ST6GALNAC5: variants seen among roughly 807,000 people sequenced by gnomAD.
The protein encoded by ST6GALNAC5 is ST6 N-acetylgalactosaminide alpha-2,6-sialyltransferase 5.
Under a neutral mutation model 33.6 loss-of-function variants are expected in ST6GALNAC5, and 27 were observed. The ratio of observed to expected loss-of-function variants is 0.80; its 90% CI spans 0.59 to 1.11. ST6GALNAC5 has a LOEUF of 1.11. ST6GALNAC5 is among the 50% of genes least tolerant of loss of function. The pLI, the probability that ST6GALNAC5 is intolerant of heterozygous loss-of-function variation, is 0.00. For missense variants in ST6GALNAC5, 428 were observed against 454.0 expected (o/e 0.94, Z 0.52); for synonymous variants, 194 against 171.2 (o/e 1.13, Z -1.04).
chr1:77,028,498 G>C (rs1651333189), intron 2 of ST6GALNAC5, among the ~76,000 whole-genome samples: 1 of 152,212 alleles, frequency 6.6e-6, no homozygotes, highest in African/African-American at 2.4e-5. Flanking sequence ...TGCAGCTTCA[G>C]AAATTCATAT....
chr1:76,889,864 G>A (rs963412639), intron 2 of ST6GALNAC5, among the ~76,000 whole-genome samples: 1 of 151,542 alleles, frequency 6.6e-6, no homozygotes, highest in South Asian at 2.1e-4. Context: ...AATCATCCTG[G>A]TCTTTGTCAT....
At chr1:76,880,262 A>G (rs1653747229) in intron 2 of ST6GALNAC5, among the ~76,000 whole-genome samples, 2 of 152,188 alleles carry the variant, frequency 1.3e-5, no homozygotes, top group Admixed American at 1.3e-4. Context: ...AGTTTATGCC[A>G]AGGACTATCA....
intron 2 of ST6GALNAC5, among the ~76,000 whole-genome samples, chr1:77,021,907 G>A (rs1307885458): frequency 6.6e-6 from 1 of 152,160 alleles, no homozygotes; most frequent in African/African-American, 2.4e-5. Flanking sequence ...GGCTTAAGGG[G>A]AAATTTGAGA....
intron 2 of ST6GALNAC5, among the ~76,000 whole-genome samples, chr1:76,996,875 A>T (rs534633509): frequency 1.3e-5 from 2 of 152,356 alleles, no homozygotes; most frequent in South Asian, 4.1e-4. Context: ...CAAGCAGGTG[A>T]GATCCTCAGA....
At chr1:76,965,298 G>A (rs371756819) in intron 2 of ST6GALNAC5, among the ~76,000 whole-genome samples, 6 of 151,702 alleles carry the variant, frequency 4.0e-5, no homozygotes, top group South Asian at 2.1e-4. Flanking sequence ...TTTGATTATC[G>A]CCATTCTAAC....
chr1:76,915,760 G>T (rs1348624614), intron 2 of ST6GALNAC5, among the ~76,000 whole-genome samples: 1 of 151,484 alleles, frequency 6.6e-6, no homozygotes, highest in African/African-American at 2.4e-5. Flanking sequence ...GAGTTAATGG[G>T]TGCTGCACAC....
chr1:77,005,169 C>T (rs1650347786), intron 2 of ST6GALNAC5, among the ~76,000 whole-genome samples: 1 of 152,270 alleles, frequency 6.6e-6, no homozygotes, highest in Admixed American at 6.5e-5. Context: ...ACCCTCCAAG[C>T]CAGGTGCGGG....
At chr1:76,882,598 G>A (rs1653806561) in intron 2 of ST6GALNAC5, among the ~76,000 whole-genome samples, 1 of 152,182 alleles carries the variant, frequency 6.6e-6, no homozygotes, top group African/African-American at 2.4e-5. Context: ...GGTGTCTGTA[G>A]AGTTCCTGGG....
intron 2 of ST6GALNAC5, among the ~76,000 whole-genome samples, chr1:76,998,938 T>C (rs986624478): frequency 6.6e-5 from 10 of 152,158 alleles, no homozygotes; most frequent in Non-Finnish European, 1.5e-4. Flanking sequence ...GAATAGAAAT[T>C]ATTTTAGAAT....
At chr1:76,959,144 A>C (rs1305355191) in intron 2 of ST6GALNAC5, among the ~76,000 whole-genome samples, 4 of 152,184 alleles carry the variant, frequency 2.6e-5, no homozygotes, top group Admixed American at 1.3e-4. Flanking sequence ...TCTCTTACTT[A>C]TGTTGTAGAC....
chr1:76,992,414 C>T (rs900243165), intron 2 of ST6GALNAC5, among the ~76,000 whole-genome samples: 3 of 152,160 alleles, frequency 2.0e-5, no homozygotes, highest in South Asian at 2.1e-4. Context: ...GGCCTTCCTG[C>T]CTCCAAATAT....
intron 2 of ST6GALNAC5, among the ~76,000 whole-genome samples, chr1:76,936,988 G>GTGTGTA: frequency 6.6e-6 from 1 of 151,036 alleles, no homozygotes; most frequent in African/African-American, 2.4e-5. Context: ...GTGTGTGTGT[G>GTGTGTA]TATGTGTTAG....
intron 2 of ST6GALNAC5, among the ~76,000 whole-genome samples, chr1:77,022,206 A>C (rs199678): frequency 2.0e-5 from 3 of 151,988 alleles, no homozygotes; most frequent in Non-Finnish European, 2.9e-5. Flanking sequence ...ACCTCTCTGA[A>C]GCAGAAACCT....
At chr1:76,965,490 G>A (rs1050785431) in intron 2 of ST6GALNAC5, among the ~76,000 whole-genome samples, 3 of 152,198 alleles carry the variant, frequency 2.0e-5, no homozygotes, top group Middle Eastern at 3.4e-3. Flanking sequence ...TAAGTTCTTT[G>A]TAGATTCTAG....
At chr1:76,915,100 C>G (rs1431642153) in intron 2 of ST6GALNAC5, among the ~76,000 whole-genome samples, 1 of 151,990 alleles carries the variant, frequency 6.6e-6, no homozygotes, top group Non-Finnish European at 1.5e-5. Context: ...AAATGCTCAT[C>G]ATCACTGGCC....
intron 2 of ST6GALNAC5, among the ~76,000 whole-genome samples, chr1:77,012,298 C>A (rs1650663467): frequency 6.6e-6 from 1 of 152,130 alleles, no homozygotes; most frequent in Non-Finnish European, 1.5e-5. Context: ...AATGTCCCAG[C>A]CAATAGAAAA....
chr1:77,052,589 A>T (rs1283731542), intron 4 of ST6GALNAC5, among the ~76,000 whole-genome samples: 1 of 151,876 alleles, frequency 6.6e-6, no homozygotes, highest in African/African-American at 2.4e-5. Context: ...TATATTATTA[A>T]TATTATCCCA....
At chr1:77,060,975 A>T (rs1454769386) in intron 4 of ST6GALNAC5, among the ~76,000 whole-genome samples, 1 of 152,200 alleles carries the variant, frequency 6.6e-6, no homozygotes, top group Admixed American at 6.5e-5. Flanking sequence ...GAATATGGGA[A>T]GATATGTCTC....
chr1:76,991,655 C>A (rs1401420809), intron 2 of ST6GALNAC5, among the ~76,000 whole-genome samples: 1 of 152,162 alleles, frequency 6.6e-6, no homozygotes, highest in African/African-American at 2.4e-5. Context: ...GTTTCCACAT[C>A]TTCTCTAGTG....
Sources: allele counts gnomAD v4.1 joint callset (sites outside exome capture counted in the v4.1 genomes callset), GRCh38; gene constraint gnomAD v4.1.1; transcripts MANE v1.5; gene names NCBI Gene and HGNC (gene_info 2026-07-23, HGNC 2026-07-21).